The following IQCM variants were observed in gnomAD, a reference collection of about 807,000 sequenced individuals.
IQCM encodes the protein IQ domain-containing protein M.
A neutral mutation model predicts 57.6 loss-of-function variants in IQCM; 45 were observed. The ratio of observed to expected loss-of-function variants is 0.78; its 90% CI spans 0.62 to 1.00. IQCM has a LOEUF of 1.00. Among genes scored for constraint, IQCM ranks in the 50% least tolerant of loss-of-function variants. The pLI is 0.00. For synonymous variants in IQCM, 148 were observed against 158.9 expected (o/e 0.93, Z 0.51); for missense variants, 468 against 511.6 (o/e 0.91, Z 0.82).
At chr4:149,751,405 A>C (rs1035575731) in intron 2 of IQCM, among the ~76,000 whole-genome samples, 1 of 152,220 alleles carries the variant, frequency 6.6e-6, no homozygotes, top group African/African-American at 2.4e-5. Context: ...GACTGGGTTC[A>C]AGCCCAGGCT....
chr4:149,497,135 T>C (rs1406566444), intron 12 of IQCM, among the ~76,000 whole-genome samples: 1 of 152,090 alleles, frequency 6.6e-6, no homozygotes, highest in Non-Finnish European at 1.5e-5. Flanking sequence ...TCTAGCCCAT[T>C]TCCTAGTCAG....
chr4:149,789,010 G>C (rs773185694), intron 2 of IQCM, among the ~76,000 whole-genome samples: 5 of 152,178 alleles, frequency 3.3e-5, no homozygotes, highest in Non-Finnish European at 7.3e-5. Flanking sequence ...GCAGGTGGTA[G>C]AGGAGATGAA....
At chr4:149,772,157 C>T (rs767158920) in intron 2 of IQCM, among the ~76,000 whole-genome samples, 2 of 152,026 alleles carry the variant, frequency 1.3e-5, no homozygotes, top group Non-Finnish European at 2.9e-5. Context: ...CAGAGATACA[C>T]ATTTGTATAA....
At chr4:149,388,668 CAT>C (rs1409764397) in intron 13 of IQCM, among the ~76,000 whole-genome samples, 4 of 138,968 alleles carry the variant, frequency 2.9e-5, no homozygotes, top group East Asian at 2.1e-4. Flanking sequence ...TATATATATA[CAT>C]ATATATAGGC....
intron 5 of IQCM, among the ~76,000 whole-genome samples, chr4:149,694,252 T>C (rs1428530238): frequency 7.5e-6 from 1 of 132,520 alleles, no homozygotes; most frequent in Admixed American, 8.5e-5. Flanking sequence ...TGAGACGGAG[T>C]CTCGCTCTGT....
At chr4:149,706,898 T>C (rs1049718916) in intron 5 of IQCM, among the ~76,000 whole-genome samples, 5 of 151,986 alleles carry the variant, frequency 3.3e-5, no homozygotes, top group Non-Finnish European at 5.9e-5. Flanking sequence ...ATTTCTACAA[T>C]TCTACAGTTC....
intron 12 of IQCM, among the ~76,000 whole-genome samples, chr4:149,443,749 G>GA (rs1326922643): frequency 1.7e-4 from 25 of 148,534 alleles, no homozygotes; most frequent in African/African-American, 5.5e-4. Context: ...GAAAGGAAAG[G>GA]AAGAAAACTG....
intron 2 of IQCM, among the ~76,000 whole-genome samples, chr4:149,784,540 C>T (rs1039823304): frequency 9.2e-5 from 14 of 152,126 alleles, no homozygotes; most frequent in African/African-American, 2.9e-4. Context: ...CTCAGCCTCC[C>T]GAGTAGCTGG....
intron 13 of IQCM, among the ~76,000 whole-genome samples, chr4:149,396,458 A>G (rs536391075): frequency 6.6e-6 from 1 of 151,980 alleles, no homozygotes; most frequent in Non-Finnish European, 1.5e-5. Flanking sequence ...AAACAGAACA[A>G]GCATACATTA....
intron 12 of IQCM, among the ~76,000 whole-genome samples, chr4:149,528,431 C>CTGCTACAT (rs1325021154): frequency 1.3e-5 from 2 of 152,158 alleles, no homozygotes; most frequent in Non-Finnish European, 2.9e-5. Context: ...AATTACATAT[C>CTGCTACAT]TGCTACATGG....
intron 12 of IQCM, among the ~76,000 whole-genome samples, chr4:149,473,277 G>GA (rs1739788749): frequency 6.6e-6 from 1 of 151,958 alleles, no homozygotes; most frequent in Non-Finnish European, 1.5e-5. Context: ...AAATTTACAA[G>GA]AAAAAAATCA....
At chr4:149,356,461 AT>A (rs1270932841) in intron 13 of IQCM, among the ~76,000 whole-genome samples, 2 of 151,774 alleles carry the variant, frequency 1.3e-5, no homozygotes, top group Non-Finnish European at 2.9e-5. Context: ...CTTTCTACAT[AT>A]GGCTAGCCAG....
intron 13 of IQCM, among the ~76,000 whole-genome samples, chr4:149,432,208 T>C (rs750344362): frequency 1.5e-4 from 23 of 151,866 alleles, no homozygotes; most frequent in Non-Finnish European, 2.9e-5. Context: ...TTCCACCTCC[T>C]TGTTTGGTAT....
chr4:149,508,984 C>T (rs769814317), intron 12 of IQCM, among the ~76,000 whole-genome samples: 1 of 152,196 alleles, frequency 6.6e-6, no homozygotes, highest in Non-Finnish European at 1.5e-5. Flanking sequence ...AAACTCTCTT[C>T]TCTTGTCTGC....
At chr4:149,574,636 C>G (rs781153003) in intron 9 of IQCM, among the ~76,000 whole-genome samples, 1 of 151,910 alleles carries the variant, frequency 6.6e-6, no homozygotes, top group Non-Finnish European at 1.5e-5. Context: ...GAACATTACA[C>G]CCTGAGCTTG....
At chr4:149,473,450 G>T (rs1445904468) in intron 12 of IQCM, among the ~76,000 whole-genome samples, 2 of 152,168 alleles carry the variant, frequency 1.3e-5, no homozygotes, top group Admixed American at 1.3e-4. Context: ...AGTTAGAATG[G>T]CAATCATTAA....
chr4:149,633,167 C>CAAAA lies in IQCM; in HGVS notation c.566-11927_566-11924dup, dbSNP rs71596216. Among the ~76,000 whole-genome samples the CAAAA allele has an allele frequency of 1.2e-3, 27 of 22,924 alleles. 1 individual carries two copies. The highest frequency in any genetic ancestry group is 2.6e-3 in the South Asian group (1 of 392). 15.0% of individuals were successfully genotyped at this position (22,924 alleles called of 152,430 possible). ...TGGGCGACAGAGCGAGACTCCGTCT[C>CAAAA]AAAAAAAAAAAAAAAAAAAAAAAAA... On this transcript the variant is annotated intron_variant, in intron 7 of 13. Coordinates refer to ENST00000636793, the MANE Select transcript of IQCM (RefSeq NM_001363507.2).
chr4:149,750,435 G>A (rs1406688833), intron 2 of IQCM, among the ~76,000 whole-genome samples: 1 of 152,080 alleles, frequency 6.6e-6, no homozygotes, highest in Non-Finnish European at 1.5e-5. Flanking sequence ...TTATTTCTGG[G>A]GGATTTCAGT....
chr4:149,717,435 A>T (rs1299557126), intron 5 of IQCM, among the ~76,000 whole-genome samples: 2 of 152,230 alleles, frequency 1.3e-5, no homozygotes, highest in African/African-American at 4.8e-5. Context: ...AGCAGAGGAT[A>T]GAAGAAACAC....
Sources: allele counts gnomAD v4.1 joint callset (sites outside exome capture counted in the v4.1 genomes callset), GRCh38; gene constraint gnomAD v4.1.1; transcripts MANE v1.5; gene names NCBI Gene and HGNC (gene_info 2026-07-23, HGNC 2026-07-21).